PLAA: variants seen among roughly 807,000 people sequenced by gnomAD.
PLAA encodes phospholipase A-2-activating protein.
In PLAA, 48 loss-of-function variants were observed where a neutral mutation model predicts 84.1. That is an observed-to-expected ratio of 0.57 (90% CI 0.45 to 0.73). The LOEUF (loss-of-function observed/expected upper bound fraction) is 0.73. PLAA is among the 30% of genes least tolerant of loss of function. PLAA has a pLI of 0.00. For synonymous variants in PLAA, 392 were observed against 336.6 expected (o/e 1.16, Z -1.80); for missense variants, 903 against 954.7 (o/e 0.95, Z 0.71).
intron 10 of PLAA, chr9:26,916,067 A>G (rs1305103075): frequency 1.2e-5 from 12 of 985,320 alleles, no homozygotes; most frequent in Admixed American, 6.1e-5. Flanking sequence ...CTTGTTATCA[A>G]TGCACATGGT....
At chr9:26,929,859 T>C (rs1003017052) in intron 2 of PLAA, among the ~76,000 whole-genome samples, 2 of 152,186 alleles carry the variant, frequency 1.3e-5, no homozygotes, top group Admixed American at 6.5e-5. Flanking sequence ...GAATCGTTGA[T>C]GACCAGAAAG....
intron 9 of PLAA, 29 bp downstream of exon 9, chr9:26,919,281 C>T (rs752918853): frequency 1.5e-5 from 21 of 1,414,272 alleles, no homozygotes; most frequent in South Asian, 6.0e-5. Context: ...AATGGAACTA[C>T]ATAAGACTCA....
At chr9:26,928,520 A>AGCT (rs1825056234) in intron 2 of PLAA, 112 bp from the exon 3 acceptor site, 2 of 751,792 alleles carry the variant, frequency 2.7e-6, no homozygotes, top group Admixed American at 4.1e-5. Flanking sequence ...GCAGTATCTT[A>AGCT]GCTAACTAAG....
Position 26,919,333 on chromosome 9 carries a change from G to T in PLAA, c.1394C>A (p.Pro465His). The T allele has an allele frequency of 1.9e-6, 3 of 1,609,828 alleles. No homozygotes were observed. Among genetic ancestry groups the T allele is most frequent in the Non-Finnish European group, 2.5e-6 (3 of 1,178,152 alleles). Residue 465 changes from proline to histidine, a missense_variant, in exon 9 of 14, where the codon CCC (proline) becomes CAC (histidine). Transcript: ENST00000397292. ...TKGQMLGLGN[P>H]SFSDPFTGGG... is the part of the protein sequence containing the mutation. ...ACCTGTAAATGGATCTGAAAAGCTG[G>T]GATTCCCAAGTCCCAACATTTGACC...
At chr9:26,922,556 T>C (rs978230482) in intron 7 of PLAA, among the ~76,000 whole-genome samples, 11 of 152,174 alleles carry the variant, frequency 7.2e-5, no homozygotes, top group African/African-American at 2.2e-4. Flanking sequence ...GGTATAATAA[T>C]GCAATCAAGA....
intron 6 of PLAA, 31 bp from the exon 7 acceptor site, chr9:26,923,378 T>A: frequency 6.7e-7 from 1 of 1,498,072 alleles, no homozygotes; most frequent in Non-Finnish European, 9.2e-7. Context: ...ATTTTAGAAG[T>A]CATTGCCATA....
chr9:26,915,351 G>A (rs1037042561), intron 10 of PLAA, among the ~76,000 whole-genome samples: 2 of 152,012 alleles, frequency 1.3e-5, no homozygotes, highest in African/African-American at 2.4e-5. Flanking sequence ...CTTGGCCATA[G>A]AACCCTGGGA....
At chr9:26,926,035 C>G in intron 5 of PLAA, 75 bp from the exon 6 acceptor site, 1 of 1,238,766 alleles carries the variant, frequency 8.1e-7, no homozygotes, top group Admixed American at 2.2e-5. Flanking sequence ...TTTCTAGATA[C>G]ACTGACTTTT....
intron 1 of PLAA, among the ~76,000 whole-genome samples, chr9:26,945,923 C>A (rs751120688): frequency 8.5e-5 from 13 of 152,190 alleles, no homozygotes; most frequent in Non-Finnish European, 1.5e-4. Flanking sequence ...TGTATGTTTT[C>A]TTCACATGCC....
chr9:26,921,920 CA>C (rs1275907984), intron 7 of PLAA, among the ~76,000 whole-genome samples: 1 of 152,214 alleles, frequency 6.6e-6, no homozygotes, highest in Non-Finnish European at 1.5e-5. Context: ...AATTTTCACT[CA>C]AACACTTGAA....
chr9:26,924,524 CT>C (rs1450253155), intron 6 of PLAA, among the ~76,000 whole-genome samples: 3 of 152,060 alleles, frequency 2.0e-5, no homozygotes, highest in African/African-American at 4.8e-5. Context: ...TCTTATTTGC[CT>C]TTTTTTCTAT....
Position 26,906,089 on chromosome 9 carries a change from A to AC in PLAA, c.1823-14_1823-13insG. 9 of 1,444,258 alleles carry AC rather than the reference A, an allele frequency of 6.2e-6. No homozygotes were observed. Among genetic ancestry groups the AC allele is most frequent in the Non-Finnish European group, 8.2e-6 (9 of 1,091,194 alleles). 89.5% of individuals were successfully genotyped at this position (1,444,258 alleles called of 1,614,324 possible). A position where few individuals can be genotyped will look rare whatever the true frequency, so the allele number is the denominator to read the frequency against. ...GGAAAGACAATATCTATTAAAAAAA[A>AC]AAAGTCATTAATGCTTATGAAAATA... On this transcript the variant is annotated splice_polypyrimidine_tract_variant and intron_variant, in intron 13 of 13. Transcript: ENST00000397292.
At chr9:26,942,774 C>T (rs1182148960) in intron 1 of PLAA, among the ~76,000 whole-genome samples, 1 of 146,514 alleles carries the variant, frequency 6.8e-6, no homozygotes, top group South Asian at 2.2e-4. Flanking sequence ...CCCAGCTACT[C>T]GGGAGGCTAA....
intron 1 of PLAA, among the ~76,000 whole-genome samples, chr9:26,942,013 C>A (rs1323136114): frequency 6.6e-6 from 1 of 152,018 alleles, no homozygotes; most frequent in South Asian, 2.1e-4. Context: ...GACTTCTCAA[C>A]AGTAACACTA....
At chr9:26,913,455 T>G (rs1259165600) in intron 11 of PLAA, among the ~76,000 whole-genome samples, 3 of 151,998 alleles carry the variant, frequency 2.0e-5, no homozygotes, top group Non-Finnish European at 4.4e-5. Context: ...TATAATCCAG[T>G]GAATAACATT....
Position 26,907,901 on chromosome 9 carries a change from A to G in PLAA, c.1755T>C (p.Asn585=), listed in dbSNP as rs1824284921. ...GGACTGTGGGTTTTTCTGAAGAACT[A>G]TTACATATTAGAGACAGTATCTTCT... The part of the protein sequence containing the change: ...LLEKILSLIC[N]SSSEKPTVQQ... The change falls in exon 13 of 14, where the codon AAT becomes AAC. Residue 585 remains asparagine, a synonymous_variant. Coordinates refer to ENST00000397292, the MANE Select transcript of PLAA (RefSeq NM_001031689.3). The G allele has an allele frequency of 6.2e-7, 1 of 1,611,924 alleles. No individual in the cohort carries two copies. The highest frequency in any genetic ancestry group is 1.1e-5 in the South Asian group (1 of 90,626).
intron 1 of PLAA, among the ~76,000 whole-genome samples, chr9:26,946,340 A>G: frequency 6.6e-6 from 1 of 151,940 alleles, no homozygotes; most frequent in Non-Finnish European, 1.5e-5. Flanking sequence ...TCTCCTCAAG[A>G]AACAGCACAT....
chr9:26,930,294 T>C lies in PLAA; in HGVS notation c.344-1886A>G, dbSNP rs373202937. On this transcript the variant is annotated intron_variant, in intron 2 of 13. Coordinates refer to ENST00000397292, the MANE Select transcript of PLAA (RefSeq NM_001031689.3). ...TAATTTTTTTGTATTTTAGTAGAGA[T>C]GGGGTTTCACCGTGTTAGCTAGGAT... Among the ~76,000 whole-genome samples, 426 of 152,032 alleles carry C rather than the reference T, an allele frequency of 2.8e-3. 1 individual carries two copies. The highest frequency in any genetic ancestry group is 8.0e-3 in the African/African-American group (331 of 41,478).
chr9:26,916,981 A>G (rs917473543), intron 10 of PLAA, 116 bp downstream of exon 10: 9 of 854,812 alleles, frequency 1.1e-5, no homozygotes, highest in Non-Finnish European at 1.6e-5. Flanking sequence ...CAAAATTGGA[A>G]ATGCAGATAA....
Sources: allele counts gnomAD v4.1 joint callset (sites outside exome capture counted in the v4.1 genomes callset), GRCh38; gene constraint gnomAD v4.1.1; transcripts MANE v1.5; gene names NCBI Gene and HGNC (gene_info 2026-07-23, HGNC 2026-07-21).